MUSK: variants seen among roughly 807,000 people sequenced by gnomAD.
MUSK encodes muscle, skeletal receptor tyrosine-protein kinase.
Under a neutral mutation model 88.7 loss-of-function variants are expected in MUSK, and 55 were observed. The observed-to-expected ratio is 0.62, with a 90% CI of 0.50 to 0.78. The LOEUF (loss-of-function observed/expected upper bound fraction) is 0.78, where lower values mean the gene tolerates loss of function less well. Ranked by LOEUF, MUSK falls within the 30% of genes least tolerant of loss-of-function variation. MUSK has a pLI of 0.00. For missense variants in MUSK, 1,015 were observed against 1,074.3 expected, an observed-to-expected ratio of 0.94 and a Z score of 0.77; for synonymous variants, 387 against 391.9, an observed-to-expected ratio of 0.99 and a Z score of 0.15.
intron 9 of MUSK, chr9:110,775,449 C>T (rs2131985805): frequency 9.7e-6 from 3 of 307,944 alleles, no homozygotes; most frequent in South Asian, 3.1e-5. Context: ...CTCTGTATAC[C>T]TTTTTCCTCT....
At chr9:110,697,105 A>G (rs372812080) in intron 4 of MUSK, among the ~76,000 whole-genome samples, 1 of 149,836 alleles carries the variant, frequency 6.7e-6, no homozygotes, top group Admixed American at 6.7e-5. Context: ...AAAGAAAATA[A>G]AAATAAACTA....
chr9:110,736,412 G>T (rs1048259627), intron 6 of MUSK, among the ~76,000 whole-genome samples: 1 of 152,074 alleles, frequency 6.6e-6, no homozygotes, highest in Non-Finnish European at 1.5e-5. Context: ...GGAGTTGAAG[G>T]GTGAAGTTAC....
chr9:110,798,217 C>T (rs2078040818), intron 14 of MUSK, among the ~76,000 whole-genome samples: 1 of 152,166 alleles, frequency 6.6e-6, no homozygotes, highest in African/African-American at 2.4e-5. Context: ...TGGGAAAATC[C>T]ATAAAATTCA....
chr9:110,774,893 T>A (rs1571118), intron 9 of MUSK, among the ~76,000 whole-genome samples: 82,899 of 138,030 alleles, frequency 0.6, 23,429 homozygotes, highest in Non-Finnish European at 0.65. Flanking sequence ...ACACACACAC[T>A]CTTACAATTT....
intron 3 of MUSK, among the ~76,000 whole-genome samples, chr9:110,689,587 C>T (rs1430662766): frequency 5.9e-5 from 5 of 85,166 alleles, no homozygotes; most frequent in Non-Finnish European, 1.1e-4. Flanking sequence ...TTTTTTACTA[C>T]ATAATATATA....
intron 5 of MUSK, among the ~76,000 whole-genome samples, chr9:110,709,175 T>G (rs1238704910): frequency 6.6e-6 from 1 of 152,222 alleles, no homozygotes; most frequent in African/African-American, 2.4e-5. Flanking sequence ...ATTAGAATTC[T>G]ATGGCAAGAA....
At chr9:110,767,686 G>A (rs963542721) in intron 8 of MUSK, 134 bp from the exon 9 acceptor site, 28 of 912,000 alleles carry the variant, frequency 3.1e-5, no homozygotes, top group East Asian at 7.4e-5. Flanking sequence ...CAAATGGAGC[G>A]TGTCAACCAA....
rs982977123 is a variant in MUSK at position 110,802,674 on chromosome 9, C to T, written c.*1686C>T. Among the ~76,000 whole-genome samples the T allele has an allele frequency of 6.6e-6, 1 of 152,174 alleles. No homozygotes were observed. Among genetic ancestry groups the T allele is most frequent in the Non-Finnish European group, 1.5e-5 (1 of 68,036 alleles). On this transcript the variant is annotated 3_prime_UTR_variant, in exon 15 of 15. Transcript: ENST00000374448. ...TATTAGTTTTACTTCCTAAAATCCT[C>T]CTGCTGACATCCTCTTCCCTTCAAC...
At chr9:110,698,801 C>T (rs1409785336) in intron 5 of MUSK, among the ~76,000 whole-genome samples, 5 of 151,968 alleles carry the variant, frequency 3.3e-5, no homozygotes, top group East Asian at 1.9e-4. Context: ...TTTGAAGCTC[C>T]GTATTCAACA....
At chr9:110,680,159 G>A (rs115653500) in intron 1 of MUSK, among the ~76,000 whole-genome samples, 321 of 152,168 alleles carry the variant, frequency 2.1e-3, no homozygotes, top group African/African-American at 7.3e-3. Flanking sequence ...TAAGCTAGCT[G>A]TGTAATTCTA....
intron 5 of MUSK, chr9:110,727,587 G>A (rs2076903594): frequency 9.7e-6 from 2 of 205,264 alleles, no homozygotes; most frequent in Admixed American, 8.8e-5. Flanking sequence ...TGTCAACCTT[G>A]GCTAAGTTCA....
At chr9:110,676,295 G>T (rs1035856978) in intron 1 of MUSK, among the ~76,000 whole-genome samples, 1 of 113,068 alleles carries the variant, frequency 8.8e-6, no homozygotes, top group Non-Finnish European at 2.0e-5. Flanking sequence ...ATATATGTGT[G>T]TGTGTATATG....
Position 110,720,450 on chromosome 9 carries a change from G to A in MUSK, c.629-13801G>A, listed in dbSNP as rs190119623. Reference sequence around the variant, plus strand: ...ACAGAAATATGAAACATTATTCAAGGCTAATATGAACACCTTTATGGACAT... The same window carrying A: ...ACAGAAATATGAAACATTATTCAAGACTAATATGAACACCTTTATGGACAT... On this transcript the variant is annotated intron_variant, in intron 5 of 14. Transcript: ENST00000374448. Among the ~76,000 whole-genome samples the A allele has an allele frequency of 2.4e-3, 359 of 151,978 alleles. 2 individuals carry two copies. Among genetic ancestry groups the A allele is most frequent in the Admixed American group, 6.8e-3 (104 of 15,244 alleles).
At chr9:110,785,748 A>G in intron 13 of MUSK, 30 bp downstream of exon 13, 1 of 1,558,314 alleles carries the variant, frequency 6.4e-7, no homozygotes, top group Non-Finnish European at 8.7e-7. Context: ...AAAAAACTCC[A>G]TTGAAATATG....
At chr9:110,761,913 A>G (rs1366669078) in intron 7 of MUSK, 2 of 985,176 alleles carry the variant, frequency 2.0e-6, no homozygotes, top group Non-Finnish European at 2.4e-6. Flanking sequence ...TGGGTAGCTA[A>G]TGGAGGGAAA....
chr9:110,690,309 T>C (rs1457766436), intron 3 of MUSK, among the ~76,000 whole-genome samples: 1 of 103,568 alleles, frequency 9.7e-6, no homozygotes, highest in Non-Finnish European at 1.7e-5. Flanking sequence ...TATTTAAGTA[T>C]AAATATAGAA....
intron 5 of MUSK, among the ~76,000 whole-genome samples, chr9:110,710,438 GT>G (rs2076653536): frequency 6.6e-6 from 1 of 152,128 alleles, no homozygotes; most frequent in Non-Finnish European, 1.5e-5. Context: ...GTTGTCTGTT[GT>G]TTACATTGTT....
At position 110,768,053 on chromosome 9, in the gene MUSK, G is replaced by C; in HGVS notation, c.1154G>C (p.Gly385Ala). 1 of 1,613,758 alleles carries C rather than the reference G, an allele frequency of 6.2e-7. No individual in the cohort carries two copies. Among genetic ancestry groups the C allele is most frequent in the Admixed American group, 1.7e-5 (1 of 60,010 alleles). ...CACATCTTCCAGGAGTGCAGTCCTG[G>C]AGTAGTGCCTACTCCTATTCCCATT... The part of the protein sequence containing the change: ...CNHIFQECSP[G>A]VVPTPIPICR... The change falls in exon 9 of 15, where the codon GGA becomes GCA. Residue 385 changes from glycine (G) to alanine (A), a missense_variant. Coordinates refer to ENST00000374448, the MANE Select transcript of MUSK (RefSeq NM_005592.4).
chr9:110,797,148 A>AATGC, intron 14 of MUSK, among the ~76,000 whole-genome samples: 1 of 114,870 alleles, frequency 8.7e-6, no homozygotes, highest in African/African-American at 3.4e-5. Context: ...ATAAAAAATA[A>AATGC]ATGCATGAAT....
Sources: allele counts gnomAD v4.1 joint callset (sites outside exome capture counted in the v4.1 genomes callset), GRCh38; gene constraint gnomAD v4.1.1; transcripts MANE v1.5; gene names NCBI Gene and HGNC (gene_info 2026-07-23, HGNC 2026-07-21).